Variants in CDH4 observed in about 807,000 individuals in gnomAD.
The protein encoded by CDH4 is cadherin-4.
Under a neutral mutation model 86.0 loss-of-function variants are expected in CDH4, and 33 were observed. The observed-to-expected ratio is 0.38, with a 90% CI of 0.29 to 0.51. The LOEUF (loss-of-function observed/expected upper bound fraction) is 0.51, where lower values mean the gene tolerates loss of function less well. Among genes scored for constraint, CDH4 ranks in the 20% least tolerant of loss-of-function variants. The pLI, the probability that CDH4 is intolerant of heterozygous loss-of-function variation, is 0.86. For synonymous variants in CDH4, 555 were observed against 549.4 expected (o/e 1.01, Z -0.14); for missense variants, 1,114 against 1,307.4 (o/e 0.85, Z 2.28).
At chr20:61,763,906 T>A (rs1386309551) in intron 3 of CDH4, among the ~76,000 whole-genome samples, 1 of 152,238 alleles carries the variant, frequency 6.6e-6, no homozygotes, top group African/African-American at 2.4e-5. Context: ...TATTCTTTCC[T>A]TAACACTGTT....
At chr20:61,508,906 C>T (rs547394788) in intron 2 of CDH4, among the ~76,000 whole-genome samples, 2 of 152,226 alleles carry the variant, frequency 1.3e-5, no homozygotes, top group South Asian at 4.1e-4. Context: ...TGGGTTCCAC[C>T]CCCTCCCCAC....
chr20:61,669,603 A>G (rs530913513), intron 2 of CDH4, among the ~76,000 whole-genome samples: 80 of 152,344 alleles, frequency 5.3e-4, no homozygotes, highest in African/African-American at 1.8e-3. Context: ...TCCCATCAGA[A>G]ACTTATCCGG....
At position 61,516,321 on chromosome 20, in the gene CDH4, T is replaced by C. The variant is rs1485684575; in HGVS notation, c.170-227242T>C. Among the ~76,000 whole-genome samples, 2 of 152,190 alleles carry C rather than the reference T, an allele frequency of 1.3e-5. No individual in the cohort carries two copies. The highest frequency in any genetic ancestry group is 6.5e-5 in the Admixed American group (1 of 15,280). On this transcript the variant is annotated intron_variant, in intron 2 of 15. Coordinates refer to ENST00000614565, the MANE Select transcript of CDH4 (RefSeq NM_001794.5). This position sits in a 1 kb window ranked among gnomAD's most constrained non-coding sequence, Gnocchi z 4.0. ...TGCTCCTTCCTTACATCCCGTCTAT[T>C]AATGCCATGGTCCCTGAGCAGTCAT...
intron 2 of CDH4, among the ~76,000 whole-genome samples, chr20:61,397,510 G>A (rs984072879): frequency 8.6e-5 from 13 of 151,838 alleles, no homozygotes; most frequent in African/African-American, 2.7e-4. Flanking sequence ...ACCTTGATAC[G>A]CCGTCGAGAC....
chr20:61,723,669 G>A lies in CDH4; in HGVS notation c.170-19894G>A, dbSNP rs75245230. On this transcript the variant is annotated intron_variant, in intron 2 of 15. Coordinates refer to ENST00000614565, the MANE Select transcript of CDH4 (RefSeq NM_001794.5). ...TGACAGGGAGAGGTTTCCTGGGCAG[G>A]GCTGTGCGGTGCAGAGAGAAGAGAA... Among the ~76,000 whole-genome samples the A allele has an allele frequency of 2.0e-5, 3 of 152,326 alleles. No individual in the cohort carries two copies. In the East Asian group the frequency reaches 5.8e-4, roughly 29 times the overall value.
chr20:61,345,060 A>G (rs1473844607), intron 2 of CDH4, among the ~76,000 whole-genome samples: 1 of 150,478 alleles, frequency 6.6e-6, no homozygotes, highest in African/African-American at 2.5e-5. Context: ...TGGGGGCAGA[A>G]GTGATTTTTA....
Position 61,915,543 on chromosome 20 carries a change from A to G in CDH4, c.1374+4936A>G, listed in dbSNP as rs530955619. Among the ~76,000 whole-genome samples, 47 of 152,330 alleles carry G rather than the reference A, an allele frequency of 3.1e-4. 1 individual carries two copies. The South Asian group carries it at 9.1e-3, about 30-fold the overall frequency. ...CTCCCCAGCTGTAAGCCCAAGTCCTATAATGGGAAGCTGCTCAGCCGTCAA... is the reference window on the plus strand; with the variant it reads ...CTCCCCAGCTGTAAGCCCAAGTCCTGTAATGGGAAGCTGCTCAGCCGTCAA... On this transcript the variant is annotated intron_variant, in intron 9 of 15. Coordinates refer to ENST00000614565, the MANE Select transcript of CDH4 (RefSeq NM_001794.5).
At chr20:61,839,256 T>C (rs1394860878) in intron 4 of CDH4, among the ~76,000 whole-genome samples, 1 of 152,150 alleles carries the variant, frequency 6.6e-6, no homozygotes, top group Non-Finnish European at 1.5e-5. Context: ...CCCCTTTCCA[T>C]TCTGAAAGGA....
chr20:61,881,120 T>C (rs1984253752), intron 7 of CDH4, among the ~76,000 whole-genome samples: 1 of 152,140 alleles, frequency 6.6e-6, no homozygotes. Context: ...CCACAGGGCA[T>C]GAGTGTCAGC....
At chr20:61,610,669 G>T (rs2086678365) in intron 2 of CDH4, among the ~76,000 whole-genome samples, 1 of 152,152 alleles carries the variant, frequency 6.6e-6, no homozygotes, top group Admixed American at 6.5e-5. Context: ...GATTTTTTCT[G>T]TTGGGTGAGG....
At chr20:61,578,856 G>C (rs1405729446) in intron 2 of CDH4, among the ~76,000 whole-genome samples, 1 of 151,306 alleles carries the variant, frequency 6.6e-6, no homozygotes, top group South Asian at 2.1e-4. Context: ...GACAAGTCTA[G>C]ATCCTCCGGT....
intron 3 of CDH4, among the ~76,000 whole-genome samples, chr20:61,769,031 C>T (rs114344079): frequency 0.019 from 2,880 of 152,300 alleles, 86 homozygotes; most frequent in African/African-American, 0.065. Context: ...CCGTCTCCCG[C>T]TGGGAGATGC....
At chr20:61,395,325 G>A (rs1166407268) in intron 2 of CDH4, among the ~76,000 whole-genome samples, 2 of 152,084 alleles carry the variant, frequency 1.3e-5, no homozygotes, top group Admixed American at 1.3e-4. Flanking sequence ...AAATTGACAT[G>A]TTAAAGTTGC....
intron 2 of CDH4, among the ~76,000 whole-genome samples, chr20:61,299,170 AGAAGAGGAAACC>A (rs1455907122): frequency 2.6e-5 from 4 of 152,182 alleles, no homozygotes; most frequent in African/African-American, 9.7e-5. Flanking sequence ...TTATAAGAAA[AGAAGAGGAAACC>A]GAATCCAGTG....
intron 4 of CDH4, among the ~76,000 whole-genome samples, chr20:61,787,886 T>C (rs1025542869): frequency 3.3e-5 from 5 of 152,030 alleles, no homozygotes; most frequent in Admixed American, 6.5e-5. Flanking sequence ...TCAGAGGGGC[T>C]GAATAGAAAT....
At chr20:61,565,200 T>G (rs2086265930) in intron 2 of CDH4, among the ~76,000 whole-genome samples, 1 of 47,380 alleles carries the variant, frequency 2.1e-5, no homozygotes, top group Admixed American at 2.1e-4. Context: ...CTCTTGGTGG[T>G]GGTCGCGGTG....
intron 2 of CDH4, among the ~76,000 whole-genome samples, chr20:61,342,879 A>AT (rs1328733592): frequency 6.6e-6 from 1 of 152,246 alleles, no homozygotes; most frequent in African/African-American, 2.4e-5. Context: ...CTGTGCGGCG[A>AT]TTATAGCCAG....
At chr20:61,363,991 C>T (rs1277042051) in intron 2 of CDH4, among the ~76,000 whole-genome samples, 3 of 152,176 alleles carry the variant, frequency 2.0e-5, no homozygotes, top group Non-Finnish European at 4.4e-5. Flanking sequence ...GACACAGTCC[C>T]CTCATAAGTT....
chr20:61,507,619 C>T (rs760531807), intron 2 of CDH4, among the ~76,000 whole-genome samples: 2 of 152,118 alleles, frequency 1.3e-5, no homozygotes, highest in Non-Finnish European at 2.9e-5. Context: ...ATACCTGACC[C>T]GTACTCCTCA....
Sources: allele counts gnomAD v4.1 joint callset (sites outside exome capture counted in the v4.1 genomes callset), GRCh38; gene constraint gnomAD v4.1.1; non-coding constraint Gnocchi (gnomAD v3.1); transcripts MANE v1.5; gene names NCBI Gene and HGNC (gene_info 2026-07-23, HGNC 2026-07-21).